LCLAT1: variants seen among roughly 807,000 people sequenced by gnomAD.
LCLAT1 encodes lysocardiolipin acyltransferase 1.
A neutral mutation model predicts 30.7 loss-of-function variants in LCLAT1; 11 were observed. The observed-to-expected ratio is 0.36, with a 90% CI of 0.23 to 0.59. The LOEUF (loss-of-function observed/expected upper bound fraction) is 0.59, where lower values mean the gene tolerates loss of function less well. LCLAT1 is among the 20% of genes least tolerant of loss of function. LCLAT1 has a pLI of 0.77. For synonymous variants in LCLAT1, 155 were observed against 151.3 expected (o/e 1.02, Z -0.18); for missense variants, 402 against 458.6 (o/e 0.88, Z 1.13).
chr2:30,504,758 T>G (rs1223155707), intron 1 of LCLAT1, among the ~76,000 whole-genome samples: 1 of 152,178 alleles, frequency 6.6e-6, no homozygotes, highest in Non-Finnish European at 1.5e-5. Context: ...GGAAATGTTC[T>G]CTATGAAACA....
In LCLAT1 at chr2:30,565,722, A is replaced by G. The variant is rs142616197; in HGVS notation, c.512-2338A>G. Among the ~76,000 whole-genome samples the G allele has an allele frequency of 2.6e-5, 4 of 152,320 alleles. No individual in the cohort carries two copies. The East Asian group carries it at 7.7e-4, about 29-fold the overall frequency. On this transcript the variant is annotated intron_variant, in intron 4 of 5. Coordinates refer to ENST00000379509, the MANE Select transcript of LCLAT1 (RefSeq NM_001002257.3). ...GTGAGGAAAGACAGATGATAAACTA[A>G]TAAGTTAATAAAAATATGTCAGTCA... is the stretch of plus-strand genomic sequence containing the variant.
chr2:30,471,260 A>C (rs1682770761), intron 1 of LCLAT1, among the ~76,000 whole-genome samples: 1 of 151,472 alleles, frequency 6.6e-6, no homozygotes, highest in Non-Finnish European at 1.5e-5. Context: ...CCCAGGCTGG[A>C]GTGCAGTGGT....
At chr2:30,466,080 C>T (rs1192374397) in intron 1 of LCLAT1, among the ~76,000 whole-genome samples, 3 of 151,840 alleles carry the variant, frequency 2.0e-5, no homozygotes, top group Admixed American at 1.3e-4. Context: ...AACTATTTTT[C>T]TTGCTTTATT....
At chr2:30,559,014 T>C (rs1207495914) in intron 3 of LCLAT1, among the ~76,000 whole-genome samples, 1 of 152,214 alleles carries the variant, frequency 6.6e-6, no homozygotes, top group Non-Finnish European at 1.5e-5. Context: ...CACCAGCAGT[T>C]ACATTGATAC....
intron 1 of LCLAT1, among the ~76,000 whole-genome samples, chr2:30,495,948 A>G (rs1469675115): frequency 6.6e-6 from 1 of 152,282 alleles, no homozygotes; most frequent in East Asian, 1.9e-4. Flanking sequence ...ATAAAAAACT[A>G]TCTGAGACTG....
At chr2:30,540,609 C>G (rs1355472431) in intron 3 of LCLAT1, among the ~76,000 whole-genome samples, 1 of 151,836 alleles carries the variant, frequency 6.6e-6, no homozygotes, top group Non-Finnish European at 1.5e-5. Flanking sequence ...CTTTGGCAAA[C>G]TTAGATAAAG....
At position 30,533,096 on chromosome 2, in the gene LCLAT1, T is replaced by A. The variant is rs1451747706; in HGVS notation, c.166-20T>A. Reference sequence around the variant, plus strand: ...AAAATCATAACTTTAATTTGCTGTATATCTGTATTGTTTTCTTAGGCATTA... The same window carrying A: ...AAAATCATAACTTTAATTTGCTGTAAATCTGTATTGTTTTCTTAGGCATTA... On this transcript the variant is annotated intron_variant, in intron 2 of 5. Transcript: ENST00000379509. 6.5e-7 allele frequency: 1 copy of A among 1,547,946 alleles called. No individual in the cohort carries two copies. Among genetic ancestry groups the A allele is most frequent in the South Asian group, 1.1e-5 (1 of 89,738 alleles).
intron 3 of LCLAT1, among the ~76,000 whole-genome samples, chr2:30,548,019 C>G (rs555530065): frequency 4.1e-4 from 62 of 152,210 alleles, no homozygotes; most frequent in Middle Eastern, 3.4e-3. Flanking sequence ...GCCTGGAAGA[C>G]ACACATACAT....
chr2:30,542,932 T>G (rs1479720961), intron 3 of LCLAT1, among the ~76,000 whole-genome samples: 2 of 151,460 alleles, frequency 1.3e-5, no homozygotes, highest in African/African-American at 4.8e-5. Context: ...TTATTTTAAT[T>G]TTAATATTCG....
intron 5 of LCLAT1, among the ~76,000 whole-genome samples, chr2:30,625,499 C>T (rs1346912731): frequency 6.6e-6 from 1 of 152,162 alleles, no homozygotes; most frequent in Non-Finnish European, 1.5e-5. Context: ...CAGCAGCTTG[C>T]CCCCTACCTC....
intron 5 of LCLAT1, among the ~76,000 whole-genome samples, chr2:30,631,819 A>T (rs1388300578): frequency 6.6e-6 from 1 of 152,154 alleles, no homozygotes; most frequent in Non-Finnish European, 1.5e-5. Context: ...ACTTGGGGCT[A>T]TTCATTTTTT....
At chr2:30,554,275 A>G (rs565125744) in intron 3 of LCLAT1, among the ~76,000 whole-genome samples, 2 of 152,352 alleles carry the variant, frequency 1.3e-5, no homozygotes, top group South Asian at 2.1e-4. Context: ...ATCCTTTACA[A>G]ATATGAGACT....
At chr2:30,628,571 C>CAT (rs1192199015) in intron 5 of LCLAT1, among the ~76,000 whole-genome samples, 6 of 152,016 alleles carry the variant, frequency 3.9e-5, no homozygotes, top group Admixed American at 3.3e-4. Flanking sequence ...CAAGAATACT[C>CAT]ACAGATCAGT....
intron 1 of LCLAT1, among the ~76,000 whole-genome samples, chr2:30,459,302 C>T (rs1681983648): frequency 6.6e-6 from 1 of 152,168 alleles, no homozygotes; most frequent in South Asian, 2.1e-4. Context: ...AACATTTCAG[C>T]TGCCCTCTCT....
At chr2:30,533,579 A>G (rs1041921015) in intron 3 of LCLAT1, among the ~76,000 whole-genome samples, 3 of 152,230 alleles carry the variant, frequency 2.0e-5, no homozygotes, top group Non-Finnish European at 4.4e-5. Flanking sequence ...ATTGAAGGAT[A>G]TGAATTAATA....
chr2:30,605,659 C>T (rs1167673017), intron 5 of LCLAT1, among the ~76,000 whole-genome samples: 1 of 152,226 alleles, frequency 6.6e-6, no homozygotes, highest in African/African-American at 2.4e-5. Flanking sequence ...ATATACATTT[C>T]CTCTCCTACA....
At chr2:30,606,337 A>G (rs1456280329) in intron 5 of LCLAT1, 1 of 272,462 alleles carries the variant, frequency 3.7e-6, no homozygotes, top group Non-Finnish European at 7.1e-6. Flanking sequence ...ACTTCAAACT[A>G]TACTACAGGG....
chr2:30,453,876 C>G (rs1443851064), intron 1 of LCLAT1, among the ~76,000 whole-genome samples: 1 of 152,194 alleles, frequency 6.6e-6, no homozygotes, highest in African/African-American at 2.4e-5. Context: ...CTTTAACCCT[C>G]CCAGCTTCCA....
intron 1 of LCLAT1, among the ~76,000 whole-genome samples, chr2:30,501,824 A>G (rs1338830514): frequency 6.6e-6 from 1 of 152,240 alleles, no homozygotes; most frequent in Non-Finnish European, 1.5e-5. Context: ...TTAGAAAAAA[A>G]GATTAATGTC....
Sources: gnomAD v4.1 joint callset for allele counts (sites outside exome capture counted in the v4.1 genomes callset) on GRCh38, gnomAD v4.1.1 for gene constraint, MANE v1.5 for transcripts, NCBI Gene and HGNC (gene_info 2026-07-23, HGNC 2026-07-21) for gene names.